The following RSPH14 variants were observed in gnomAD, a reference collection of about 807,000 sequenced individuals.
RSPH14 encodes radial spoke head 14 homolog.
Under a neutral mutation model 26.7 loss-of-function variants are expected in RSPH14, and 20 were observed. The ratio of observed to expected loss-of-function variants is 0.75; its 90% confidence interval spans 0.53 to 1.09. RSPH14 has a LOEUF of 1.09. RSPH14 is among the 50% of genes least tolerant of loss of function. The pLI, the probability that RSPH14 is intolerant of heterozygous loss-of-function variation, is 0.00. For missense variants in RSPH14, 449 were observed against 457.2 expected (o/e 0.98, Z 0.16); for synonymous variants, 177 against 189.3 (o/e 0.93, Z 0.53).
chr22:23,137,748 G>T, intron 3 of RSPH14: 1 of 266,918 alleles, frequency 3.7e-6, no homozygotes, highest in Admixed American at 5.4e-5. Context: ...AGGGCTTGGG[G>T]GTGTTTGTGA....
chr22:23,148,953 A>G, upstream of RSPH14, among the ~76,000 whole-genome samples: 1 of 152,212 alleles, frequency 6.6e-6, no homozygotes, highest in East Asian at 1.9e-4. Context: ...GACCACATGA[A>G]AAGGTGCTAT....
In RSPH14 at chr22:23,059,651, G is replaced by GA; in HGVS notation, c.857_858insT (p.Ile287HisfsTer73). Reference sequence around the variant, plus strand: ...CCTTGGTGGCATTCAGGCGCGCTATGGTCATGGGGGAGTGCAGCAGCTCCA... The same window carrying GA: ...CCTTGGTGGCATTCAGGCGCGCTATGAGTCATGGGGGAGTGCAGCAGCTCCA... On this transcript the variant is annotated frameshift_variant, in exon 7 of 7. Transcript: ENST00000216036. LOFTEE classifies it low-confidence loss of function (END_TRUNC). The GA allele has an allele frequency of 6.3e-7, 1 of 1,593,644 alleles. No homozygotes were observed. The highest frequency in any genetic ancestry group is 8.6e-7 in the Non-Finnish European group (1 of 1,168,442).
chr22:23,151,970 C>T, the RSPH14 span, among the ~76,000 whole-genome samples: 2 of 152,206 alleles, frequency 1.3e-5, no homozygotes, highest in Non-Finnish European at 2.9e-5. Flanking sequence ...GGAGTGCCTG[C>T]TTGCAAGAGG....
intron 4 of RSPH14, among the ~76,000 whole-genome samples, chr22:23,116,712 C>T (rs956555413): frequency 2.6e-5 from 4 of 152,216 alleles, no homozygotes; most frequent in Admixed American, 2.6e-4. Flanking sequence ...TCCCCACCCC[C>T]AGCCCAGGCG....
intron 4 of RSPH14, among the ~76,000 whole-genome samples, chr22:23,075,131 G>A (rs979085353): frequency 3.9e-5 from 6 of 152,292 alleles, no homozygotes; most frequent in African/African-American, 1.4e-4. Context: ...TGGGGATGTA[G>A]TGGCCCCTGT....
At position 23,141,949 on chromosome 22, in the gene RSPH14, C is replaced by T; in HGVS notation, c.-53G>A. The T allele has an allele frequency of 1.0e-6, 1 of 985,590 alleles. No individual in the cohort carries two copies. 61.1% of individuals were successfully genotyped at this position (985,590 alleles called of 1,614,324 possible). A position where few individuals can be genotyped will look rare whatever the true frequency, so the allele number is the denominator to read the frequency against. On this transcript the variant is annotated splice_region_variant and 5_prime_UTR_variant, in exon 1 of 7. The change creates a new upstream start codon in the 5' untranslated region. Transcript: ENST00000216036. ...CCCTAGCCCACCACCGCCGCCTCAC[C>T]TGCCTCCGCAGCCCTTTCTGCTTCC...
the RSPH14 span, chr22:23,160,817 C>T: frequency 6.4e-7 from 1 of 1,573,648 alleles, no homozygotes; most frequent in Non-Finnish European, 8.7e-7. Context: ...CTTTCACACC[C>T]AGATGCATTA....
chr22:23,123,608 G>C (rs564552272), intron 4 of RSPH14: 5 of 599,596 alleles, frequency 8.3e-6, no homozygotes, highest in African/African-American at 1.9e-5. Context: ...TTTACGGATA[G>C]ATTGCTAGGT....
At chr22:23,063,863 C>T in intron 5 of RSPH14, 39 bp downstream of exon 5, 1 of 1,599,826 alleles carries the variant, frequency 6.3e-7, no homozygotes, top group Non-Finnish European at 8.6e-7. Flanking sequence ...GGTGCCTTCT[C>T]CCAGCCTTGG....
intron 4 of RSPH14, among the ~76,000 whole-genome samples, chr22:23,068,742 A>C (rs1214699910): frequency 6.6e-6 from 1 of 152,202 alleles, no homozygotes; most frequent in African/African-American, 2.4e-5. Flanking sequence ...TCCTATAAAC[A>C]TTAACCCTCA....
the RSPH14 span, among the ~76,000 whole-genome samples, chr22:23,169,839 A>C: frequency 4.6e-5 from 7 of 152,242 alleles, no homozygotes; most frequent in African/African-American, 1.4e-4. Context: ...GCGGTGGTGC[A>C]CACCTGTAAT....
At chr22:23,153,162 T>C in the RSPH14 span, 1 of 1,562,304 alleles carries the variant, frequency 6.4e-7, no homozygotes, top group South Asian at 1.1e-5. Context: ...CCATGGCTCG[T>C]GGGCAGCTTC....
rs144994574 is a variant in RSPH14, at chr22:23,098,860, C to T, written c.422-34727G>A. Among the ~76,000 whole-genome samples the T allele has an allele frequency of 5.4e-3, 818 of 152,366 alleles. 10 individuals are homozygous for T. Among genetic ancestry groups the T allele is most frequent in the African/African-American group, 0.019 (784 of 41,588 alleles). ...GCAGTGAGGACAGCCCGTCTCCAGC[C>T]GGGCCAGGGCCAGAGCCAGTGCTGG... On this transcript the variant is annotated intron_variant, in intron 4 of 6. Transcript: ENST00000216036.
At chr22:23,168,777 G>A in the RSPH14 span, among the ~76,000 whole-genome samples, 1 of 152,208 alleles carries the variant, frequency 6.6e-6, no homozygotes, top group African/African-American at 2.4e-5. Flanking sequence ...AGGAAGGTGA[G>A]GGAGCAGGCA....
the RSPH14 span, among the ~76,000 whole-genome samples, chr22:23,165,484 A>G: frequency 2.0e-5 from 3 of 152,168 alleles, no homozygotes; most frequent in African/African-American, 4.8e-5. Context: ...CAGCCACAGA[A>G]AGTTTCAGGG....
the RSPH14 span, among the ~76,000 whole-genome samples, chr22:23,168,412 A>T: frequency 1.3e-5 from 2 of 152,130 alleles, no homozygotes; most frequent in East Asian, 3.9e-4. Flanking sequence ...AGAGGAAGAA[A>T]CTCACAGCAC....
chr22:23,084,732 G>A (rs896661896), intron 4 of RSPH14, among the ~76,000 whole-genome samples: 38 of 152,208 alleles, frequency 2.5e-4, no homozygotes, highest in African/African-American at 8.7e-4. Context: ...AAGGCCCAGT[G>A]GGGAGCTGGA....
the RSPH14 span, among the ~76,000 whole-genome samples, chr22:23,159,478 G>A: frequency 7.2e-5 from 11 of 152,252 alleles, no homozygotes; most frequent in South Asian, 1.0e-3. Context: ...CCTGCCTCAC[G>A]GATGGGGGAA....
At chr22:23,176,204 A>G in the RSPH14 span, among the ~76,000 whole-genome samples, 2 of 152,158 alleles carry the variant, frequency 1.3e-5, no homozygotes, top group Non-Finnish European at 2.9e-5. Context: ...TGTTGCAGTC[A>G]CCATCCCAAA....
Sources: allele counts gnomAD v4.1 joint callset (sites outside exome capture counted in the v4.1 genomes callset), GRCh38; gene constraint gnomAD v4.1.1; transcripts MANE v1.5; gene names NCBI Gene and HGNC (gene_info 2026-07-23, HGNC 2026-07-21).